Variants in GSE1 observed in about 807,000 individuals in gnomAD.
GSE1 encodes Gse1 coiled-coil protein.
GSE1 carries 32 observed loss-of-function variants against 112.6 expected under a neutral mutation model. That is an observed-to-expected ratio of 0.28 (90% CI 0.21 to 0.38). The LOEUF (loss-of-function observed/expected upper bound fraction) is 0.38, where lower values mean the gene tolerates loss of function less well. Ranked by LOEUF, GSE1 falls within the 10% of genes least tolerant of loss-of-function variation. The pLI, the probability that GSE1 is intolerant of heterozygous loss-of-function variation, is 1.00. For missense variants in GSE1, 2,348 were observed against 1,699.2 expected (o/e 1.38, Z -6.71); for synonymous variants, 1,115 against 735.6 (o/e 1.52, Z -8.35).
chr16:85,607,519 G>A (rs1015081232), upstream of GSE1, among the ~76,000 whole-genome samples: 2 of 152,208 alleles, frequency 1.3e-5, no homozygotes, highest in African/African-American at 2.4e-5. Context: ...GGAACCAGGC[G>A]CTGAGAGGGC....
chr16:85,455,371 G>A (rs963813825), intron 2 of GSE1, among the ~76,000 whole-genome samples: 1 of 150,724 alleles, frequency 6.6e-6, no homozygotes, highest in Non-Finnish European at 1.5e-5. Context: ...AGCAAGACCT[G>A]GCATTACAAA....
chr16:85,651,379 G>A (rs1228472258), intron 3 of GSE1, among the ~76,000 whole-genome samples: 3 of 152,010 alleles, frequency 2.0e-5, no homozygotes, highest in Non-Finnish European at 2.9e-5. Flanking sequence ...CTGGCTCGCC[G>A]GGCCCCTGCC....
At chr16:85,669,739 T>A (rs533896285) in intron 14 of GSE1, among the ~76,000 whole-genome samples, 1 of 152,348 alleles carries the variant, frequency 6.6e-6, no homozygotes, top group African/African-American at 2.4e-5. Flanking sequence ...GAGTTTGGCT[T>A]TTTCCTGTTC....
In GSE1 at chr16:85,394,126, G is replaced by GGGGACC. The variant is rs1483030500; in HGVS notation, c.2464+36487_2464+36492dup. ...TGGGAGAATGAACATTCGGGCTGTC[G>GGGGACC]GGGACCGGGGAAGGCTCAGCCGTGA... is the stretch of plus-strand genomic sequence containing the variant. On this transcript the variant is annotated intron_variant, in intron 2 of 2. Transcript: ENST00000637419. 8.5e-5 allele frequency among the ~76,000 whole-genome samples: 13 copies of GGGGACC among 152,204 alleles called. No individual in the cohort carries two copies. The East Asian group carries it at 2.5e-3, about 29-fold the overall frequency.
exon 1 of GSE1, chr16:85,170,430 G>A: frequency 1.0e-6 from 1 of 985,578 alleles, no homozygotes; most frequent in Non-Finnish European, 1.2e-6. Context: ...GAGCCACTAA[G>A]ACCCTGGAGA....
chr16:85,240,171 G>C (rs1462822477), intron 1 of GSE1, among the ~76,000 whole-genome samples: 1 of 152,242 alleles, frequency 6.6e-6, no homozygotes, highest in East Asian at 1.9e-4. Context: ...GATGAAATAA[G>C]TTAATAGGAA....
At chr16:85,181,891 C>T (rs1008589601) in intron 1 of GSE1, among the ~76,000 whole-genome samples, 4 of 152,212 alleles carry the variant, frequency 2.6e-5, no homozygotes, top group African/African-American at 9.7e-5. Context: ...AGCTGCAGCG[C>T]CAGCTCTGTG....
intron 1 of GSE1, among the ~76,000 whole-genome samples, chr16:85,558,501 A>G (rs2045347213): frequency 6.6e-6 from 1 of 152,200 alleles, no homozygotes. Context: ...AAAGAGGAGG[A>G]GGAAGTGTCA....
chr16:85,644,343 CAAAAAAAAA>C (rs749279315), intron 2 of GSE1, among the ~76,000 whole-genome samples: 1 of 119,694 alleles, frequency 8.4e-6, no homozygotes, highest in Middle Eastern at 4.1e-3. Context: ...GATCCTGTCT[CAAAAAAAAA>C]AAAAAAAAGA....
At chr16:85,307,519 C>T (rs1353230191) in intron 1 of GSE1, among the ~76,000 whole-genome samples, 1 of 152,154 alleles carries the variant, frequency 6.6e-6, no homozygotes, top group African/African-American at 2.4e-5. Flanking sequence ...TGGGGTGAGC[C>T]CAGGAGGGTT....
At chr16:85,256,402 G>T (rs548607977) in intron 1 of GSE1, among the ~76,000 whole-genome samples, 25 of 152,380 alleles carry the variant, frequency 1.6e-4, no homozygotes, top group African/African-American at 5.8e-4. Flanking sequence ...CAGACGCTTT[G>T]CATGCACTGG....
intron 2 of GSE1, among the ~76,000 whole-genome samples, chr16:85,443,779 G>A (rs967060739): frequency 6.6e-6 from 1 of 152,172 alleles, no homozygotes; most frequent in Non-Finnish European, 1.5e-5. Flanking sequence ...TAGCCCAGCG[G>A]GGAAAGTGCC....
At chr16:85,273,442 G>T (rs1909048737) in intron 1 of GSE1, among the ~76,000 whole-genome samples, 1 of 152,318 alleles carries the variant, frequency 6.6e-6, no homozygotes, top group East Asian at 1.9e-4. Flanking sequence ...ACAACATGTG[G>T]CCTCTCCATG....
intron 2 of GSE1, among the ~76,000 whole-genome samples, chr16:85,477,273 G>A (rs1268459352): frequency 6.6e-6 from 1 of 152,222 alleles, no homozygotes; most frequent in African/African-American, 2.4e-5. Flanking sequence ...TCCACAGCCT[G>A]TCCCGGGTGC....
intron 2 of GSE1, among the ~76,000 whole-genome samples, chr16:85,396,181 T>TTGCCCC (rs1453225952): frequency 1.3e-5 from 2 of 152,216 alleles, no homozygotes; most frequent in Admixed American, 1.3e-4. Flanking sequence ...CCGTCCTTCC[T>TTGCCCC]TGCCCCTGCC....
rs542791356 is a variant in GSE1, at chr16:85,422,947, C to G, written c.2464+65304C>G. ...TGCTTTATCTTGACAACAGATTGCA[C>G]AAACCCCAGAGCTAATATTGAACTT... is the stretch of plus-strand genomic sequence containing the variant. On this transcript the variant is annotated intron_variant, in intron 2 of 2. Transcript: ENST00000637419. Among the ~76,000 whole-genome samples the G allele has an allele frequency of 4.6e-5, 7 of 152,304 alleles. No individual in the cohort carries two copies. The East Asian group carries it at 1.4e-3, about 29-fold the overall frequency.
At chr16:85,327,953 C>A (rs1025304255) in intron 1 of GSE1, among the ~76,000 whole-genome samples, 3 of 152,188 alleles carry the variant, frequency 2.0e-5, no homozygotes. Flanking sequence ...CTGGTGCCCC[C>A]CACCCCCAGA....
intron 1 of GSE1, among the ~76,000 whole-genome samples, chr16:85,355,564 G>A (rs2046935023): frequency 1.3e-5 from 2 of 152,214 alleles, no homozygotes; most frequent in Admixed American, 6.5e-5. Flanking sequence ...GGGGAGCAGG[G>A]AGCCTTTTAA....
chr16:85,424,907 T>C (rs748789563), intron 2 of GSE1, among the ~76,000 whole-genome samples: 1 of 152,260 alleles, frequency 6.6e-6, no homozygotes, highest in Non-Finnish European at 1.5e-5. Context: ...TGGAACATCA[T>C]ATTTGCAGAA....
Sources: gnomAD v4.1 joint callset for allele counts (sites outside exome capture counted in the v4.1 genomes callset) on GRCh38, gnomAD v4.1.1 for gene constraint, MANE v1.5 for transcripts, NCBI Gene and HGNC (gene_info 2026-07-23, HGNC 2026-07-21) for gene names.